Variants in ATF3 observed in about 807,000 individuals in gnomAD.
The protein encoded by ATF3 is activating transcription factor 3.
A neutral mutation model predicts 18.4 loss-of-function variants in ATF3; 10 were observed. The observed-to-expected ratio is 0.54, with a 90% CI of 0.34 to 0.92. The LOEUF (loss-of-function observed/expected upper bound fraction) is 0.92. Among genes scored for constraint, ATF3 ranks in the 40% least tolerant of loss-of-function variants. The pLI, the probability that ATF3 is intolerant of heterozygous loss-of-function variation, is 0.02. For synonymous variants in ATF3, 78 were observed against 87.9 expected (o/e 0.89, Z 0.63); for missense variants, 183 against 222.3 (o/e 0.82, Z 1.12).
Position 212,615,124 on chromosome 1 carries a change from G to A in ATF3, c.103G>A (p.Ala35Thr). 6.2e-7 allele frequency: 1 copy of A among 1,614,176 alleles called. No individual in the cohort carries two copies. Among genetic ancestry groups the A allele is most frequent in the Non-Finnish European group, 8.5e-7 (1 of 1,180,028 alleles). Residue 35 changes from alanine (A) to threonine (T), a missense_variant, in exon 2 of 4, where the codon GCT becomes ACT. Transcript: ENST00000341491. ...TGGGTCACTGGTGTTTGAGGATTTT[G>A]CTAACCTGACGCCCTTTGTCAAGGA... The part of the protein sequence containing the change: ...PPGSLVFEDF[A>T]NLTPFVKEEL...
intron 1 of ATF3, among the ~76,000 whole-genome samples, chr1:212,592,955 A>C (rs1398506468): frequency 2.6e-5 from 4 of 152,012 alleles, no homozygotes; most frequent in South Asian, 2.1e-4. Context: ...ACCCAAAGGA[A>C]TATAAATCAT....
chr1:212,576,246 T>C (rs1489238249), intron 1 of ATF3, among the ~76,000 whole-genome samples: 1 of 152,078 alleles, frequency 6.6e-6, no homozygotes, highest in African/African-American at 2.4e-5. Context: ...ATGCAGTTAA[T>C]AGTATTCTTT....
intron 1 of ATF3, among the ~76,000 whole-genome samples, chr1:212,587,025 T>A (rs1272786663): frequency 6.6e-6 from 1 of 152,190 alleles, no homozygotes; most frequent in African/African-American, 2.4e-5. Flanking sequence ...CTCTGACGAA[T>A]GAACATTTTC....
At chr1:212,585,205 C>CTG (rs773633423) in intron 1 of ATF3, among the ~76,000 whole-genome samples, 8 of 152,180 alleles carry the variant, frequency 5.3e-5, no homozygotes, top group Non-Finnish European at 8.8e-5. Context: ...AGCGGGGCTC[C>CTG]TGTGTGTGGC....
intron 1 of ATF3, among the ~76,000 whole-genome samples, chr1:212,591,364 A>C (rs1185232723): frequency 6.6e-6 from 1 of 152,212 alleles, no homozygotes; most frequent in African/African-American, 2.4e-5. Flanking sequence ...AGAAAATCTA[A>C]AGTGATATCT....
At chr1:212,568,308 A>G (rs906084475) in intron 1 of ATF3, among the ~76,000 whole-genome samples, 2 of 152,238 alleles carry the variant, frequency 1.3e-5, no homozygotes, top group Non-Finnish European at 2.9e-5. Flanking sequence ...AAGCTGAATT[A>G]CACACAAAAA....
Position 212,618,053 on chromosome 1 carries a change from A to C in ATF3, c.241-74A>C. ...CCCTTGTCTGCCAGCTTTTGCTGGC[A>C]GTAAAAGGCAGTGTATTTGAGGTAG... On this transcript the variant is annotated intron_variant, in intron 2 of 3. Transcript: ENST00000341491. The surrounding 1 kb of genome is among the most constrained non-coding windows in gnomAD (Gnocchi z 4.4). The C allele has an allele frequency of 1.4e-6, 2 of 1,475,396 alleles. No homozygotes were observed. The highest frequency in any genetic ancestry group is 1.9e-6 in the Non-Finnish European group (2 of 1,060,794). The allele number at this position is 1,475,396 out of a possible 1,614,324, so 91.4% of individuals were successfully genotyped here. A position where few individuals can be genotyped will look rare whatever the true frequency, so the allele number is the denominator to read the frequency against.
Position 212,575,032 on chromosome 1 carries a change from G to T in ATF3, c.-5+9549G>T, listed in dbSNP as rs188684370. On this transcript the variant is annotated intron_variant, in intron 1 of 3. Transcript: ENST00000366981. ...TGCACACACACACACGCATTTTGAA[G>T]ATTTTTAATATGAAAATTTCATCAA... is the stretch of plus-strand genomic sequence containing the variant. 3.3e-5 allele frequency among the ~76,000 whole-genome samples: 5 copies of T among 151,962 alleles called. No individual in the cohort carries two copies. In the East Asian group the frequency reaches 9.7e-4, roughly 29 times the overall value.
At position 212,577,716 on chromosome 1, in the gene ATF3, G is replaced by A. The variant is rs150276023; in HGVS notation, c.-5+12233G>A. ...CCTGGCATATGTCATGTAACATAATGTCCTCCAGATTCATCCATGTTGTGG... is the reference window on the plus strand; with the variant it reads ...CCTGGCATATGTCATGTAACATAATATCCTCCAGATTCATCCATGTTGTGG... On this transcript the variant is annotated intron_variant, in intron 1 of 3. Coordinates refer to the ATF3 transcript ENST00000366981. Among the ~76,000 whole-genome samples the A allele has an allele frequency of 4.2e-3, 633 of 152,226 alleles. 5 individuals are homozygous for A. Among genetic ancestry groups the A allele is most frequent in the African/African-American group, 0.015 (606 of 41,538 alleles).
chr1:212,589,089 C>T (rs1392249014), intron 1 of ATF3, among the ~76,000 whole-genome samples: 2 of 152,204 alleles, frequency 1.3e-5, no homozygotes, highest in Non-Finnish European at 2.9e-5. Flanking sequence ...TCTGCTTTCA[C>T]TAGGCACATT....
chr1:212,606,325 G>A (rs2102644969), upstream of ATF3, among the ~76,000 whole-genome samples: 1 of 152,300 alleles, frequency 6.6e-6, no homozygotes, highest in Non-Finnish European at 1.5e-5. Flanking sequence ...TAGAATATCA[G>A]GATCAGACTT....
chr1:212,603,532 C>T (rs1654540879), intron 1 of ATF3, among the ~76,000 whole-genome samples: 2 of 152,094 alleles, frequency 1.3e-5, no homozygotes, highest in Admixed American at 1.3e-4. Context: ...GCATCCTGAG[C>T]AATGATGGTA....
chr1:212,610,979 A>C (rs1654871889), intron 1 of ATF3, among the ~76,000 whole-genome samples: 1 of 152,180 alleles, frequency 6.6e-6, no homozygotes, highest in Admixed American at 6.5e-5. Flanking sequence ...AGATGATTCT[A>C]ATATTGAGAG....
Position 212,577,717 on chromosome 1 carries a change from T to C in ATF3, c.-5+12234T>C, listed in dbSNP as rs138930278. ...CTGGCATATGTCATGTAACATAATG[T>C]CCTCCAGATTCATCCATGTTGTGGC... On this transcript the variant is annotated intron_variant, in intron 1 of 3. Transcript: ENST00000366981. Among the ~76,000 whole-genome samples, 11 of 152,368 alleles carry C rather than the reference T, an allele frequency of 7.2e-5. No individual in the cohort carries two copies. The East Asian group carries it at 2.1e-3, about 29-fold the overall frequency.
At chr1:212,581,891 A>G (rs1664691031) in intron 1 of ATF3, among the ~76,000 whole-genome samples, 1 of 152,238 alleles carries the variant, frequency 6.6e-6, no homozygotes, top group East Asian at 1.9e-4. Flanking sequence ...AGGAATAGAC[A>G]TCAGAACTCA....
At chr1:212,581,048 C>T (rs916683023) in intron 1 of ATF3, among the ~76,000 whole-genome samples, 8 of 152,208 alleles carry the variant, frequency 5.3e-5, no homozygotes, top group Non-Finnish European at 1.2e-4. Flanking sequence ...GGATGACAGG[C>T]GTGCGCCACT....
At chr1:212,604,188 T>A (rs1654560073), upstream of ATF3, among the ~76,000 whole-genome samples, 5 of 152,220 alleles carry the variant, frequency 3.3e-5, no homozygotes, top group African/African-American at 1.2e-4. Flanking sequence ...TGGTTACGTT[T>A]TATAGACTGG....
chr1:212,619,107 G>T lies in ATF3; in HGVS notation c.349-251G>T, dbSNP rs755858234. 1.1e-5 allele frequency: 17 copies of T among 1,614,040 alleles called. No individual in the cohort carries two copies. Among genetic ancestry groups the T allele is most frequent in the East Asian group, 2.2e-5 (1 of 44,904 alleles). On this transcript the variant is annotated intron_variant, in intron 3 of 3. Coordinates refer to ENST00000341491, the MANE Select transcript of ATF3 (RefSeq NM_001674.4). This position sits in a 1 kb window ranked among gnomAD's most constrained non-coding sequence, Gnocchi z 4.4. ...TGGGCTGTTGACTCATGCAAATGAG[G>T]TATCTGAACTGCAGCTTCAGTATTA... is the stretch of plus-strand genomic sequence containing the variant.
At chr1:212,606,163 C>T (rs186281296), upstream of ATF3, among the ~76,000 whole-genome samples, 16 of 152,310 alleles carry the variant, frequency 1.1e-4, no homozygotes, top group Non-Finnish European at 1.9e-4. Flanking sequence ...TGTTCTTTTC[C>T]AGTCTCTCAA....
Sources: allele counts gnomAD v4.1 joint callset (sites outside exome capture counted in the v4.1 genomes callset), GRCh38; gene constraint gnomAD v4.1.1; non-coding constraint Gnocchi (gnomAD v3.1); transcripts MANE v1.5; gene names NCBI Gene and HGNC (gene_info 2026-07-23, HGNC 2026-07-21).